ADAMTS9: variants seen among roughly 807,000 people sequenced by gnomAD.
The protein encoded by ADAMTS9 is ADAM metallopeptidase with thrombospondin type 1 motif 9.
ADAMTS9 carries 107 observed loss-of-function variants against 257.1 expected under a neutral mutation model. That is an observed-to-expected ratio of 0.42 (90% CI 0.36 to 0.49). The LOEUF (loss-of-function observed/expected upper bound fraction) is 0.49, where lower values mean the gene tolerates loss of function less well. Ranked by LOEUF, ADAMTS9 falls within the 20% of genes least tolerant of loss-of-function variation. The pLI, the probability that ADAMTS9 is intolerant of heterozygous loss-of-function variation, is 0.03. For missense variants in ADAMTS9, 2,353 were observed against 2,469.1 expected, an observed-to-expected ratio of 0.95 and a Z score of 1.00; for synonymous variants, 982 against 880.9, an observed-to-expected ratio of 1.11 and a Z score of -2.03.
At chr3:64,647,163 T>C (rs1700817039) in intron 11 of ADAMTS9, among the ~76,000 whole-genome samples, 1 of 152,176 alleles carries the variant, frequency 6.6e-6, no homozygotes, top group African/African-American at 2.4e-5. Flanking sequence ...GATTGTATCC[T>C]TGGTAAGTTA....
rs2084760421 is a variant in ADAMTS9, at chr3:64,616,173, A to G, written c.2814-3T>C. The G allele has an allele frequency of 6.2e-7, 1 of 1,614,020 alleles. No individual in the cohort carries two copies. On this transcript the variant is annotated splice_polypyrimidine_tract_variant and splice_region_variant and intron_variant, in intron 19 of 39. Transcript: ENST00000498707. ...CACTCCTGCTGGCAACATGCCACCT[A>G]TGCAAAAATAATGGGGCAAAACCAA...
intron 12 of ADAMTS9, among the ~76,000 whole-genome samples, chr3:64,641,263 G>A (rs1286497067): frequency 6.9e-6 from 1 of 145,796 alleles, no homozygotes; most frequent in South Asian, 2.2e-4. Context: ...TTTTTTGCCT[G>A]CTTTTTTTTT....
chr3:64,624,950 C>T (rs963303924), intron 16 of ADAMTS9, among the ~76,000 whole-genome samples: 2 of 152,018 alleles, frequency 1.3e-5, no homozygotes, highest in Non-Finnish European at 2.9e-5. Context: ...TGACATGAAG[C>T]AGGTATTTAA....
chr3:64,621,401 A>G (rs979081741), intron 18 of ADAMTS9, among the ~76,000 whole-genome samples, 161 bp from the exon 19 acceptor site: 1 of 152,134 alleles, frequency 6.6e-6, no homozygotes, highest in African/African-American at 2.4e-5. Context: ...TACAGGGCAA[A>G]AGCAGCCACT....
intron 37 of ADAMTS9, among the ~76,000 whole-genome samples, chr3:64,538,929 C>A (rs1171918120): frequency 6.6e-6 from 1 of 152,098 alleles, no homozygotes; most frequent in Non-Finnish European, 1.5e-5. Context: ...ACCAAGCCCT[C>A]GCTAACCGAC....
chr3:64,539,181 G>A (rs1159363154), intron 37 of ADAMTS9, 22 bp downstream of exon 37: 4 of 1,596,186 alleles, frequency 2.5e-6, no homozygotes, highest in African/African-American at 1.3e-5. Flanking sequence ...CCCTGGCAAG[G>A]GGGAAGGCAC....
intron 12 of ADAMTS9, among the ~76,000 whole-genome samples, chr3:64,638,849 T>C (rs1416393875): frequency 6.6e-6 from 1 of 152,064 alleles, no homozygotes; most frequent in Non-Finnish European, 1.5e-5. Flanking sequence ...AAATACACTC[T>C]TGAATCAGAT....
At chr3:64,654,528 A>G in intron 7 of ADAMTS9, 44 bp downstream of exon 7, 1 of 1,477,470 alleles carries the variant, frequency 6.8e-7, no homozygotes, top group Non-Finnish European at 8.9e-7. Context: ...ACAAACATGT[A>G]GTAAAACGGT....
chr3:64,564,021 C>T (rs2083477422), intron 29 of ADAMTS9, among the ~76,000 whole-genome samples: 1 of 152,130 alleles, frequency 6.6e-6, no homozygotes, highest in Non-Finnish European at 1.5e-5. Context: ...TCTGTGTGAC[C>T]CCGGAGGCAG....
intron 4 of ADAMTS9, chr3:64,656,119 G>C (rs1014869443): frequency 5.1e-6 from 2 of 391,618 alleles, no homozygotes; most frequent in Admixed American, 8.7e-5. Context: ...GCATTGCCAC[G>C]TGACTTAACA....
At chr3:64,570,028 G>A (rs1340005187) in intron 28 of ADAMTS9, among the ~76,000 whole-genome samples, 1 of 152,312 alleles carries the variant, frequency 6.6e-6, no homozygotes, top group South Asian at 2.1e-4. Flanking sequence ...GAAGTATGCT[G>A]ATGACTTGCA....
At chr3:64,603,895 CT>C in intron 25 of ADAMTS9, 26 bp downstream of exon 25, 1 of 1,612,242 alleles carries the variant, frequency 6.2e-7, no homozygotes, top group Non-Finnish European at 8.5e-7. Flanking sequence ...CCCATTCCCC[CT>C]AATTCCAAAT....
Position 64,687,042 on chromosome 3 carries a change from G to C in ADAMTS9, c.116-74C>G, listed in dbSNP as rs747027390. ...AGCTTTAATTTAAAACGAAGGTGGG[G>C]ACTTTGTTCTGACCTTATTTTCCAG... is the stretch of plus-strand genomic sequence containing the variant. On this transcript the variant is annotated intron_variant, in intron 1 of 39. Transcript: ENST00000498707. The surrounding 1 kb of genome is among the most constrained non-coding windows in gnomAD (Gnocchi z 4.4). 3.3e-6 allele frequency: 5 copies of C among 1,513,260 alleles called. No individual in the cohort carries two copies. The allele number at this position is 1,513,260 out of a possible 1,614,324, so 93.7% of individuals were successfully genotyped here.
chr3:64,573,079 T>TAAAA lies in ADAMTS9; in HGVS notation c.4357-4548_4357-4545dup, dbSNP rs57570382. 2.3e-3 allele frequency among the ~76,000 whole-genome samples: 275 copies of TAAAA among 119,956 alleles called. 2 individuals carry two copies. Among genetic ancestry groups the TAAAA allele is most frequent in the East Asian group, 0.02 (80 of 3,978 alleles). The allele number at this position is 119,956 out of a possible 152,430, so 78.7% of individuals were successfully genotyped here. On this transcript the variant is annotated intron_variant, in intron 28 of 39. Transcript: ENST00000498707. Reference sequence around the variant, plus strand: ...CGACGGAGTGAGTGAGACTCCATCTTAAAAAAAAAAAAAAAAAAAATGGAA... The same window carrying TAAAA: ...CGACGGAGTGAGTGAGACTCCATCTTAAAAAAAAAAAAAAAAAAAAAAAATGGAA...
At position 64,687,616 on chromosome 3, in the gene ADAMTS9, C is replaced by T. The variant is rs1170122569; in HGVS notation, c.42G>A (p.Val14=). ...VSWATLLTLL[V]RDLAEMGSPD... ...GGCTCCCCATCTCGGCCAGGTCCCG[C>T]ACCAGGAGCGTTAGCAGTGTGGCCC... Residue 14 remains valine (V), a synonymous_variant, in exon 1 of 40, where the codon GTG becomes GTA. Coordinates refer to ENST00000498707, the MANE Select transcript of ADAMTS9 (RefSeq NM_182920.2). The surrounding 1 kb of genome is among the most constrained non-coding windows in gnomAD (Gnocchi z 4.4). 1 of 1,586,822 alleles carries T rather than the reference C, an allele frequency of 6.3e-7. No individual in the cohort carries two copies. Among genetic ancestry groups the T allele is most frequent in the Admixed American group, 1.8e-5 (1 of 56,988 alleles).
chr3:64,641,556 G>C (rs1029232297), intron 12 of ADAMTS9, among the ~76,000 whole-genome samples: 1 of 144,828 alleles, frequency 6.9e-6, no homozygotes, highest in African/African-American at 2.6e-5. Flanking sequence ...GAGTGTAGCA[G>C]GGAGAGTGAG....
rs891069605 is a variant in ADAMTS9, at chr3:64,687,814, G to A, written c.-157C>T. On this transcript the variant is annotated 5_prime_UTR_variant, in exon 1 of 40. Coordinates refer to ENST00000498707, the MANE Select transcript of ADAMTS9 (RefSeq NM_182920.2). This position sits in a 1 kb window ranked among gnomAD's most constrained non-coding sequence, Gnocchi z 4.4. ...GGAGTCGCTGAGGTCTCGCTGCGAG[G>A]GTCCCGTCTGCGCTCGGCTGAGCAA... 5.6e-6 allele frequency: 3 copies of A among 535,402 alleles called. No homozygotes were observed. The highest frequency in any genetic ancestry group is 4.0e-5 in the African/African-American group (2 of 49,404). The allele number at this position is 535,402 out of a possible 1,614,324, so 33.2% of individuals were successfully genotyped here.
chr3:64,608,740 G>GA (rs57554695), intron 22 of ADAMTS9, among the ~76,000 whole-genome samples: 3,660 of 144,798 alleles, frequency 0.025, 126 homozygotes, highest in African/African-American at 0.079. Context: ...AATGCTTTCA[G>GA]AAAAAAAAAA....
At chr3:64,561,321 GTTT>G (rs34071104) in intron 30 of ADAMTS9, 170 of 206,416 alleles carry the variant, frequency 8.2e-4, no homozygotes, top group Middle Eastern at 1.6e-3. Flanking sequence ...GCCTGTTAAA[GTTT>G]TTTTTTTTTT....
Sources: allele counts gnomAD v4.1 joint callset (sites outside exome capture counted in the v4.1 genomes callset), GRCh38; gene constraint gnomAD v4.1.1; non-coding constraint Gnocchi (gnomAD v3.1); transcripts MANE v1.5; gene names NCBI Gene and HGNC (gene_info 2026-07-23, HGNC 2026-07-21).